The following OCSTAMP variants were observed in gnomAD, a reference collection of about 807,000 sequenced individuals.
OCSTAMP encodes transmembrane protein C20orf123.
A neutral mutation model predicts 25.2 loss-of-function variants in OCSTAMP; 17 were observed. The observed-to-expected ratio is 0.68, with a 90% confidence interval of 0.46 to 1.01. The LOEUF (loss-of-function observed/expected upper bound fraction) is 1.01. Ranked by LOEUF, OCSTAMP falls within the 50% of genes least tolerant of loss-of-function variation. OCSTAMP has a pLI of 0.00. For missense variants in OCSTAMP, 664 were observed against 694.6 expected, an observed-to-expected ratio of 0.96 and a Z score of 0.50; for synonymous variants, 345 against 318.9, an observed-to-expected ratio of 1.08 and a Z score of -0.87.
chr20:46,541,912 G>A lies in OCSTAMP; in HGVS notation c.1063C>T (p.Leu355=). 6.9e-7 allele frequency: 1 copy of A among 1,448,110 alleles called. No individual in the cohort carries two copies. The highest frequency in any genetic ancestry group is 9.1e-7 in the Non-Finnish European group (1 of 1,102,462). 89.7% of individuals were successfully genotyped at this position (1,448,110 alleles called of 1,614,324 possible). The part of the protein sequence containing the change: ...TVKYDVAYTV[L]GFIPFLFNQL... The stretch of plus-strand genomic sequence containing the variant: ...TTGAAGAGGAAAGGGATGAAGCCCA[G>A]GACAGTGTATGCCACCTTGGGAAAG... Residue 355 remains leucine (L), a synonymous_variant, in exon 3 of 3, where the codon CTG becomes TTG. Transcript: ENST00000279028.
chr20:46,541,817 G>A lies in OCSTAMP; in HGVS notation c.1158C>T (p.Ser386=), dbSNP rs1460870536. ...GGGCGGGTAGCAGTGGGCAGCGGGC[G>A]GAGGTGAGGCGGAGCTCCCATTGGT... ...SSYQWELRLT[S]ARCPLLPARR... Residue 386 remains serine (S), a synonymous_variant, in exon 3 of 3, where the codon TCC becomes TCT. Coordinates refer to ENST00000279028, the MANE Select transcript of OCSTAMP (RefSeq NM_080721.3). 27 of 1,479,994 alleles carry A rather than the reference G, an allele frequency of 1.8e-5. No homozygotes were observed. The highest frequency in any genetic ancestry group is 2.4e-5 in the Non-Finnish European group (27 of 1,120,118). 91.7% of individuals were successfully genotyped at this position (1,479,994 alleles called of 1,614,324 possible).
chr20:46,548,224 T>A (rs1424932725), intron 1 of OCSTAMP, among the ~76,000 whole-genome samples: 2 of 152,150 alleles, frequency 1.3e-5, no homozygotes, highest in Non-Finnish European at 2.9e-5. Context: ...AGCTGTCTCA[T>A]CTGTAAAATG....
At position 46,545,838 on chromosome 20, in the gene OCSTAMP, T is replaced by C. The variant is rs904618423; in HGVS notation, c.536A>G (p.Gln179Arg). Residue 179 changes from glutamine to arginine, a missense_variant, in exon 2 of 3, where the codon CAG becomes CGG. Transcript: ENST00000279028. ...AAATGTCAGGCCCCGGCTGCCTGCC[T>C]GGCCTGTGGGGCCCAGAGCCCTGGA... ...AASRALGPTGQAGSRGLTFEA... is the reference protein window; with the variant it reads ...AASRALGPTGRAGSRGLTFEA... 4.5e-6 allele frequency: 7 copies of C among 1,551,314 alleles called. No individual in the cohort carries two copies. Among genetic ancestry groups the C allele is most frequent in the Non-Finnish European group, 6.1e-6 (7 of 1,146,984 alleles).
At chr20:46,544,919 A>T (rs970515247) in intron 2 of OCSTAMP, among the ~76,000 whole-genome samples, 1 of 152,244 alleles carries the variant, frequency 6.6e-6, no homozygotes, top group Non-Finnish European at 1.5e-5. Flanking sequence ...ACTCTTTATT[A>T]AATAATCTCT....
At position 46,541,312 on chromosome 20, in the gene OCSTAMP, T is replaced by TTC; in HGVS notation, c.1662_1663insGA (p.Arg555GlufsTer16). The TTC allele has an allele frequency of 1.4e-6, 1 of 733,544 alleles. No homozygotes were observed. The highest frequency in any genetic ancestry group is 2.5e-6 in the Non-Finnish European group (1 of 398,768). The allele number at this position is 733,544 out of a possible 1,614,324, so 45.4% of individuals were successfully genotyped here. On this transcript the variant is annotated frameshift_variant, in exon 3 of 3. Coordinates refer to ENST00000279028, the MANE Select transcript of OCSTAMP (RefSeq NM_080721.3). LOFTEE classifies it low-confidence loss of function (END_TRUNC). The stretch of plus-strand genomic sequence containing the variant: ...TCATGCCCAGTATTTCCTTCCATCC[T>TTC]GACCACATCCCTGCGTGGGAAGTAG...
rs6122509 is a variant in OCSTAMP at position 46,541,430 on chromosome 20, C to A, written c.1545G>T (p.Pro515=). ...ACTTACCCAAGGTCACACAGGGAGG[C>A]GGCACAGGACCAAGGTTACAACTCA... ...RDLSCNLGPV[P]PPCVTLGKSL... is the part of the protein sequence containing the mutation. The change falls in exon 3 of 3, where the codon CCG becomes CCT. Residue 515 remains proline (P), a synonymous_variant. Coordinates refer to ENST00000279028, the MANE Select transcript of OCSTAMP (RefSeq NM_080721.3). 2.5e-4 allele frequency: 364 copies of A among 1,448,416 alleles called. 1 individual carries two copies. The highest frequency in any genetic ancestry group is 1.6e-3 in the Admixed American group (80 of 50,864). 89.7% of individuals were successfully genotyped at this position (1,448,416 alleles called of 1,614,324 possible).
intron 1 of OCSTAMP, among the ~76,000 whole-genome samples, chr20:46,547,959 A>C (rs537766648): frequency 6.6e-6 from 1 of 152,314 alleles, no homozygotes; most frequent in East Asian, 1.9e-4. Flanking sequence ...GACTGAGAAC[A>C]TGCAAGGTGG....
intron 1 of OCSTAMP, 38 bp from the exon 2 acceptor site, chr20:46,546,367 G>A (rs1315129069): frequency 2.0e-6 from 3 of 1,481,578 alleles, no homozygotes; most frequent in African/African-American, 1.4e-5. Context: ...TCTATCAGGA[G>A]GTGGGTGGGT....
At position 46,545,700 on chromosome 20, in the gene OCSTAMP, G is replaced by A. The variant is rs879451034; in HGVS notation, c.674C>T (p.Thr225Ile). Residue 225 changes from threonine to isoleucine, a missense_variant, in exon 2 of 3, where the codon ACC (threonine) becomes ATC (isoleucine). By Grantham distance (89) the Thr-to-Ile change is moderately conservative. Coordinates refer to ENST00000279028, the MANE Select transcript of OCSTAMP (RefSeq NM_080721.3). ...ESLARAAALG[T>I]QRVVTGLFML... ...AAACAGCCCTGTGACCACTCGCTGG[G>A]TCCCTAGCGCTGCTGCCCGGGCCAG... The A allele has an allele frequency of 6.4e-6, 10 of 1,551,542 alleles. No homozygotes were observed. In the Admixed American group the frequency reaches 2.0e-4, roughly 30 times the overall value.
chr20:46,549,076 C>T (rs143303807), intron 1 of OCSTAMP, among the ~76,000 whole-genome samples: 1 of 152,244 alleles, frequency 6.6e-6, no homozygotes, highest in Non-Finnish European at 1.5e-5. Flanking sequence ...ATGCCTGAAG[C>T]CGAAATCTAT....
In OCSTAMP at chr20:46,542,762, T is replaced by C. The variant is rs531050082; in HGVS notation, c.1048-835A>G. Among the ~76,000 whole-genome samples the C allele has an allele frequency of 8.6e-5, 13 of 152,038 alleles. No individual in the cohort carries two copies. In the South Asian group the frequency reaches 2.7e-3, roughly 32 times the overall value. Reference sequence around the variant, plus strand: ...GGCAGGGAAGAAAGAAGTTCACCATTTGAACTTTGGAACCAACCTGGGTTG... The same window carrying C: ...GGCAGGGAAGAAAGAAGTTCACCATCTGAACTTTGGAACCAACCTGGGTTG... On this transcript the variant is annotated intron_variant, in intron 2 of 2. Coordinates refer to ENST00000279028, the MANE Select transcript of OCSTAMP (RefSeq NM_080721.3).
intron 1 of OCSTAMP, 98 bp downstream of exon 1, chr20:46,550,419 G>T: frequency 9.4e-7 from 1 of 1,061,920 alleles, no homozygotes; most frequent in Non-Finnish European, 1.4e-6. Flanking sequence ...CATAGCCAAG[G>T]AATGGCAGAG....
chr20:46,545,245 C>T (rs144799378), intron 2 of OCSTAMP, 82 bp downstream of exon 2: 15,201 of 1,368,634 alleles, frequency 0.011, 101 homozygotes, highest in Non-Finnish European at 0.013. Flanking sequence ...AGTCAAATTT[C>T]ATCACAAGTC....
rs771723523 is a variant in OCSTAMP, at chr20:46,541,689, A to G, written c.1286T>C (p.Ile429Thr). 15 of 1,549,920 alleles carry G rather than the reference A, an allele frequency of 9.7e-6. No individual in the cohort carries two copies. In the African/African-American group the frequency reaches 2.1e-4, roughly 21 times the overall value. ...CTGGGCTGTGAAGAAGGAAGCGGCG[A>G]TGGCATGCCGCAGGCGGCGGGCGTA... ...EAYARRLRHA[I>T]AASFFTAQEA... Residue 429 changes from isoleucine (I) to threonine (T), a missense_variant, in exon 3 of 3, where the codon ATC becomes ACC. Transcript: ENST00000279028.
rs1247045826 is a variant in OCSTAMP, at chr20:46,543,206, TTTTC to T, written c.1048-1283_1048-1280del. The stretch of plus-strand genomic sequence containing the variant: ...TCCCTCTCTCTCTCATTCCTTCCTT[TTTTC>T]TTTCTTCCTTCCTTCCTTTCTTTTT... On this transcript the variant is annotated intron_variant, in intron 2 of 2. Coordinates refer to ENST00000279028, the MANE Select transcript of OCSTAMP (RefSeq NM_080721.3). Among the ~76,000 whole-genome samples, 135 of 150,394 alleles carry T rather than the reference TTTTC, an allele frequency of 9.0e-4. 1 individual carries two copies. Among genetic ancestry groups the T allele is most frequent in the African/African-American group, 2.7e-3 (112 of 40,746 alleles).
chr20:46,541,808 G>T lies in OCSTAMP; in HGVS notation c.1167C>A (p.Cys389Ter). The T allele has an allele frequency of 6.7e-7, 1 of 1,484,144 alleles. No homozygotes were observed. Among genetic ancestry groups the T allele is most frequent in the Non-Finnish European group, 8.9e-7 (1 of 1,121,304 alleles). The allele number at this position is 1,484,144 out of a possible 1,614,324, so 91.9% of individuals were successfully genotyped here. ...GGGGACGCCGGGCGGGTAGCAGTGG[G>T]CAGCGGGCGGAGGTGAGGCGGAGCT... is the stretch of plus-strand genomic sequence containing the variant. ...QWELRLTSAR[C>*]PLLPARRPRA... The change falls in exon 3 of 3, where the codon TGC becomes TGA. Residue 389 changes from cysteine (C) to a stop codon, truncating the protein, a stop_gained. Coordinates refer to ENST00000279028, the MANE Select transcript of OCSTAMP (RefSeq NM_080721.3). LOFTEE classifies it low-confidence loss of function (END_TRUNC).
chr20:46,543,232 T>TTTTCTTTCTTTC (rs3086626), intron 2 of OCSTAMP, among the ~76,000 whole-genome samples: 4 of 147,824 alleles, frequency 2.7e-5, no homozygotes, highest in African/African-American at 7.7e-5. Context: ...CTTCCTTTCT[T>TTTTCTTTCTTTC]TTTCTTTCTT....
At chr20:46,545,211 T>C (rs1237727966) in intron 2 of OCSTAMP, 116 bp downstream of exon 2, 6 of 1,158,202 alleles carry the variant, frequency 5.2e-6, no homozygotes, top group Non-Finnish European at 7.0e-6. Flanking sequence ...CCATGGATGA[T>C]TCAAGGGCTG....
Position 46,545,429 on chromosome 20 carries a change from C to T in OCSTAMP, c.945G>A (p.Val315=), listed in dbSNP as rs1321367332. Residue 315 remains valine (V), a synonymous_variant, in exon 2 of 3, where the codon GTG becomes GTA. Transcript: ENST00000279028. ...AGGCTACATGGTCTGTGGCCACCGCCACAGCCGTGGCCACGAGGAGCAGGG... is the reference window on the plus strand; with the variant it reads ...AGGCTACATGGTCTGTGGCCACCGCTACAGCCGTGGCCACGAGGAGCAGGG... ...LLALLLVATA[V]AVATDHVAFL... 1 of 1,550,644 alleles carries T rather than the reference C, an allele frequency of 6.4e-7. No individual in the cohort carries two copies. Among genetic ancestry groups the T allele is most frequent in the South Asian group, 1.2e-5 (1 of 83,946 alleles).
Sources: allele counts gnomAD v4.1 joint callset (sites outside exome capture counted in the v4.1 genomes callset), GRCh38; gene constraint gnomAD v4.1.1; transcripts MANE v1.5; gene names NCBI Gene and HGNC (gene_info 2026-07-23, HGNC 2026-07-21).